The following DBF4 variants were observed in gnomAD, a reference collection of about 807,000 sequenced individuals.
The protein encoded by DBF4 is DBF4-CDC7 kinase regulatory subunit, also known as protein DBF4 homolog A.
In DBF4, 25 loss-of-function variants were observed where a neutral mutation model predicts 76.6. That is an observed-to-expected ratio of 0.33 (90% confidence interval 0.24 to 0.46). The LOEUF (loss-of-function observed/expected upper bound fraction) is 0.46. Ranked by LOEUF, DBF4 falls within the 20% of genes least tolerant of loss-of-function variation. DBF4 has a pLI of 1.00. For missense variants in DBF4, 638 were observed against 760.8 expected, an observed-to-expected ratio of 0.84 and a Z score of 1.90; for synonymous variants, 213 against 258.0, an observed-to-expected ratio of 0.83 and a Z score of 1.67.
chr7:87,896,572 C>T, intron 7 of DBF4, 62 bp downstream of exon 7: 1 of 1,449,848 alleles, frequency 6.9e-7, no homozygotes, highest in East Asian at 2.3e-5. Flanking sequence ...AAAAGATCTT[C>T]TAAAATCATA....
chr7:87,902,582 A>G (rs1324211471), intron 10 of DBF4, among the ~76,000 whole-genome samples: 1 of 152,220 alleles, frequency 6.6e-6, no homozygotes, highest in Non-Finnish European at 1.5e-5. Context: ...AAAAGGCCCA[A>G]CTGAACACAG....
chr7:87,898,130 G>A (rs1306075222), intron 8 of DBF4, among the ~76,000 whole-genome samples: 4 of 152,228 alleles, frequency 2.6e-5, no homozygotes, highest in Admixed American at 6.5e-5. Context: ...TGCCATGAGA[G>A]AATTAGATTA....
intron 10 of DBF4, among the ~76,000 whole-genome samples, chr7:87,902,469 G>C (rs1839810907): frequency 6.6e-6 from 1 of 151,996 alleles, no homozygotes; most frequent in Non-Finnish European, 1.5e-5. Context: ...AGTGTAGATA[G>C]ATAGAAAATA....
At chr7:87,890,892 G>A (rs1341661734) in intron 6 of DBF4, among the ~76,000 whole-genome samples, 2 of 152,116 alleles carry the variant, frequency 1.3e-5, no homozygotes, top group African/African-American at 4.8e-5. Flanking sequence ...TATCTTGATA[G>A]TCCAGAATCT....
chr7:87,891,263 T>A (rs58927827), intron 6 of DBF4, among the ~76,000 whole-genome samples: 4,241 of 152,048 alleles, frequency 0.028, 59 homozygotes, highest in Middle Eastern at 0.048. Context: ...TTTTCTTTGA[T>A]GTCTTTGTCT....
Position 87,894,001 on chromosome 7 carries a change from A to G in DBF4, c.598-2473A>G, listed in dbSNP as rs577141785. Among the ~76,000 whole-genome samples, 371 of 152,294 alleles carry G rather than the reference A, an allele frequency of 2.4e-3. 1 individual carries two copies. The highest frequency in any genetic ancestry group is 8.2e-3 in the African/African-American group (341 of 41,564). On this transcript the variant is annotated intron_variant, in intron 6 of 11. Coordinates refer to ENST00000265728, the MANE Select transcript of DBF4 (RefSeq NM_006716.4). Reference sequence around the variant, plus strand: ...CGATATACATGTGTGACCTTTCGCAATCTATCTTGAATTAATATTTACCTT... The same window carrying G: ...CGATATACATGTGTGACCTTTCGCAGTCTATCTTGAATTAATATTTACCTT...
Position 87,907,864 on chromosome 7 carries a change from C to T in DBF4, c.1726C>T (p.Arg576Ter), listed in dbSNP as rs1374235627. Residue 576 changes from arginine to a stop codon, truncating the protein, a stop_gained, in exon 12 of 12, where the codon CGA becomes TGA. Coordinates refer to ENST00000265728, the MANE Select transcript of DBF4 (RefSeq NM_006716.4). LOFTEE classifies it high-confidence loss of function. Reference protein sequence around the residue: ...MDSLPSGKIHRKVKIILGRNR... With the variant: ...MDSLPSGKIH Reference sequence around the variant, plus strand: ...TAGTTTACCTTCTGGTAAAATACATCGAAAAGTGAAAATAATATTAGGACG... The same window carrying T: ...TAGTTTACCTTCTGGTAAAATACATTGAAAAGTGAAAATAATATTAGGACG... The T allele has an allele frequency of 1.2e-6, 2 of 1,613,242 alleles. No homozygotes were observed. Among genetic ancestry groups the T allele is most frequent in the Non-Finnish European group, 1.7e-6 (2 of 1,179,786 alleles).
chr7:87,897,999 A>G (rs1839682986), intron 8 of DBF4, among the ~76,000 whole-genome samples: 1 of 152,184 alleles, frequency 6.6e-6, no homozygotes, highest in South Asian at 2.1e-4. Context: ...GCTAGTCTCT[A>G]ACTCTTGACC....
At chr7:87,888,807 A>T (rs1839422096) in intron 6 of DBF4, among the ~76,000 whole-genome samples, 1 of 152,174 alleles carries the variant, frequency 6.6e-6, no homozygotes, top group African/African-American at 2.4e-5. Flanking sequence ...TGGTTCTCTC[A>T]GCTGTTGTCC....
Position 87,876,679 on chromosome 7 carries a change from C to T in DBF4, c.-54C>T. The T allele has an allele frequency of 6.2e-7, 1 of 1,605,448 alleles. No individual in the cohort carries two copies. The highest frequency in any genetic ancestry group is 8.5e-7 in the Non-Finnish European group (1 of 1,174,992). On this transcript the variant is annotated 5_prime_UTR_variant, in exon 1 of 12. Coordinates refer to ENST00000265728, the MANE Select transcript of DBF4 (RefSeq NM_006716.4). The stretch of plus-strand genomic sequence containing the variant: ...GCCGGGGGAAGCCGTGCTTTCGCGG[C>T]TGCCCGGTGCGACACTTTCTCCGGA...
chr7:87,906,991 G>T (rs1839927500), intron 11 of DBF4, among the ~76,000 whole-genome samples, 197 bp from the exon 12 acceptor site: 1 of 152,140 alleles, frequency 6.6e-6, no homozygotes, highest in African/African-American at 2.4e-5. Context: ...AGCTATATCT[G>T]AAAAGTTGTA....
chr7:87,907,547 G>A lies in DBF4; in HGVS notation c.1409G>A (p.Ser470Asn). Residue 470 changes from serine to asparagine, a missense_variant, in exon 12 of 12, where the codon AGT (serine) becomes AAT (asparagine). By Grantham distance (46) the Ser-to-Asn change is conservative. Coordinates refer to ENST00000265728, the MANE Select transcript of DBF4 (RefSeq NM_006716.4). ...CILDISEHTL[S>N]ENDLEELRVD... ...CTTGACATTTCCGAACACACATTAA[G>A]TGAAAATGACTTAGAAGAACTAAGG... 6.2e-7 allele frequency: 1 copy of A among 1,614,108 alleles called. No individual in the cohort carries two copies. The highest frequency in any genetic ancestry group is 1.1e-5 in the South Asian group (1 of 91,078).
At position 87,887,370 on chromosome 7, in the gene DBF4, A is replaced by G. The variant is rs768145372; in HGVS notation, c.492A>G (p.Ser164=). 7 of 1,566,026 alleles carry G rather than the reference A, an allele frequency of 4.5e-6. No individual in the cohort carries two copies. Among genetic ancestry groups the G allele is most frequent in the African/African-American group, 1.4e-5 (1 of 73,674 alleles). ...PSNSILSNAL[S]WGVKILHIDD... is the part of the protein sequence containing the mutation. ...ATAGTATATTATCAAATGCCTTGTC[A>G]TGGGGAGTAAAAATTCTTCATATTG... Residue 164 remains serine (S), a synonymous_variant, in exon 5 of 12, where the codon TCA becomes TCG. Coordinates refer to ENST00000265728, the MANE Select transcript of DBF4 (RefSeq NM_006716.4).
chr7:87,896,704 T>A (rs566195180), intron 7 of DBF4, among the ~76,000 whole-genome samples, 194 bp downstream of exon 7: 11 of 152,340 alleles, frequency 7.2e-5, no homozygotes, highest in African/African-American at 2.6e-4. Context: ...TTAAAACGTT[T>A]CCTTTAAAAA....
At chr7:87,901,673 T>C (rs1447033241) in intron 10 of DBF4, among the ~76,000 whole-genome samples, 4 of 152,366 alleles carry the variant, frequency 2.6e-5, no homozygotes, top group Admixed American at 6.5e-5. Context: ...GGAACTATTA[T>C]AGTTTGTAAA....
intron 2 of DBF4, among the ~76,000 whole-genome samples, chr7:87,884,608 T>G (rs1411781290): frequency 1.3e-5 from 2 of 152,232 alleles, no homozygotes; most frequent in East Asian, 1.9e-4. Context: ...ATAAAGTATT[T>G]AAGAATAGTA....
At chr7:87,894,180 G>T (rs562603333) in intron 6 of DBF4, among the ~76,000 whole-genome samples, 2 of 152,340 alleles carry the variant, frequency 1.3e-5, no homozygotes, top group African/African-American at 4.8e-5. Context: ...TTAGGGCTGG[G>T]CCTGGTGGCT....
At chr7:87,889,118 A>G (rs1242695651) in intron 6 of DBF4, among the ~76,000 whole-genome samples, 1 of 152,202 alleles carries the variant, frequency 6.6e-6, no homozygotes, top group Non-Finnish European at 1.5e-5. Flanking sequence ...CTTGCCCTAT[A>G]TAAAGGAGTT....
In DBF4 at chr7:87,888,049, T is replaced by G; in HGVS notation, c.587T>G (p.Val196Gly). The G allele has an allele frequency of 1.3e-6, 2 of 1,562,260 alleles. No individual in the cohort carries two copies. Among genetic ancestry groups the G allele is most frequent in the Non-Finnish European group, 1.7e-6 (2 of 1,158,004 alleles). The change falls in exon 6 of 12, where the codon GTA (valine) becomes GGA (glycine). Residue 196 changes from valine to glycine, a missense_variant. Transcript: ENST00000265728. ...TTACTCAAGAAATCAAGTACTTCAG[T>G]AAGAGATGGGGTATGTTTTCTTTTT... ...LYLLKKSSTS[V>G]RDGGKRVGSG... is the part of the protein sequence containing the mutation.
Sources: allele counts gnomAD v4.1 joint callset (sites outside exome capture counted in the v4.1 genomes callset), GRCh38; gene constraint gnomAD v4.1.1; transcripts MANE v1.5; gene names NCBI Gene and HGNC (gene_info 2026-07-23, HGNC 2026-07-21).